ABHD17B: variants seen among roughly 807,000 people sequenced by gnomAD.
ABHD17B encodes the protein abhydrolase domain containing 17B, depalmitoylase.
Under a neutral mutation model 26.2 loss-of-function variants are expected in ABHD17B, and 9 were observed. The observed-to-expected ratio is 0.34, with a 90% confidence interval of 0.21 to 0.60. The LOEUF (loss-of-function observed/expected upper bound fraction) is 0.60. Ranked by LOEUF, ABHD17B falls within the 20% of genes least tolerant of loss-of-function variation. The pLI, the probability that ABHD17B is intolerant of heterozygous loss-of-function variation, is 0.80. For synonymous variants in ABHD17B, 127 were observed against 122.3 expected (o/e 1.04, Z -0.25); for missense variants, 224 against 352.1 (o/e 0.64, Z 2.91).
chr9:71,910,672 G>A lies in ABHD17B; in HGVS notation c.-42C>T, dbSNP rs557644024. On this transcript the variant is annotated 5_prime_UTR_variant, in exon 1 of 4. Transcript: ENST00000333421. Reference sequence around the variant, plus strand: ...GCCCGGGCCGAAGCGCCGGGCAGAAGGGGTCGAGAGAGAACCGCAGCCGAC... The same window carrying A: ...GCCCGGGCCGAAGCGCCGGGCAGAAAGGGTCGAGAGAGAACCGCAGCCGAC... 7.7e-4 allele frequency: 117 copies of A among 152,302 alleles called. No homozygotes were observed. Among genetic ancestry groups the A allele is most frequent in the African/African-American group, 2.6e-3 (110 of 41,552 alleles). The allele number at this position is 152,302 out of a possible 1,614,324, so 9.4% of individuals were successfully genotyped here.
chr9:71,902,978 T>C (rs527371090), intron 1 of ABHD17B, among the ~76,000 whole-genome samples: 2 of 152,340 alleles, frequency 1.3e-5, no homozygotes, highest in Admixed American at 1.3e-4. Context: ...GAATGGAGAC[T>C]TGGCTGCACC....
intron 1 of ABHD17B, among the ~76,000 whole-genome samples, chr9:71,886,354 G>T (rs751452195): frequency 6.6e-6 from 1 of 150,852 alleles, no homozygotes; most frequent in South Asian, 2.1e-4. Context: ...TTGGGAGGCC[G>T]AGTCAGGAGG....
chr9:71,879,124 C>G (rs1220418544), intron 1 of ABHD17B, among the ~76,000 whole-genome samples: 1 of 152,170 alleles, frequency 6.6e-6, no homozygotes, highest in East Asian at 1.9e-4. Flanking sequence ...CCACTACACT[C>G]CAGCCTGGGC....
rs553400257 is a variant in ABHD17B at position 71,897,240 on chromosome 9, A to C, written c.-4+13394T>G. Among the ~76,000 whole-genome samples the C allele has an allele frequency of 3.9e-5, 6 of 152,314 alleles. 1 individual carries two copies. In the South Asian group the frequency reaches 1.2e-3, roughly 32 times the overall value. On this transcript the variant is annotated intron_variant, in intron 1 of 3. Coordinates refer to ENST00000333421, the MANE Select transcript of ABHD17B (RefSeq NM_001025780.3). ...TTCTTGTAACCTTGCCCTACACGAG[A>C]TATAAAGTCATTCTGCAGGCCACGC...
intron 1 of ABHD17B, among the ~76,000 whole-genome samples, chr9:71,888,900 C>T (rs751461710): frequency 1.8e-4 from 27 of 151,778 alleles, no homozygotes; most frequent in East Asian, 1.9e-4. Context: ...AAGACAAAAA[C>T]GTAAACGGTG....
intron 2 of ABHD17B, among the ~76,000 whole-genome samples, chr9:71,874,220 T>C (rs1202189030): frequency 2.6e-5 from 4 of 151,980 alleles, no homozygotes; most frequent in African/African-American, 9.7e-5. Flanking sequence ...GGTCTGACGC[T>C]GTCACTCAGG....
intron 1 of ABHD17B, among the ~76,000 whole-genome samples, chr9:71,894,862 T>C (rs1446366398): frequency 6.6e-6 from 1 of 152,164 alleles, no homozygotes; most frequent in Non-Finnish European, 1.5e-5. Flanking sequence ...GTACAATTAA[T>C]CAAATGAACC....
At chr9:71,874,553 A>T in intron 2 of ABHD17B, 61 bp downstream of exon 2, 2 of 1,378,514 alleles carry the variant, frequency 1.5e-6, no homozygotes, top group Non-Finnish European at 2.0e-6. Flanking sequence ...TTCTATTCTT[A>T]CACAAGATAT....
At chr9:71,896,879 C>G (rs998311415) in intron 1 of ABHD17B, among the ~76,000 whole-genome samples, 1 of 152,174 alleles carries the variant, frequency 6.6e-6, no homozygotes, top group African/African-American at 2.4e-5. Flanking sequence ...GCTGAAGAAG[C>G]TGAATTTGGT....
chr9:71,878,316 A>T (rs185366401), intron 1 of ABHD17B, among the ~76,000 whole-genome samples: 130 of 152,286 alleles, frequency 8.5e-4, no homozygotes, highest in Middle Eastern at 6.8e-3. Context: ...TTTTTGTGGG[A>T]ATTAAGAGAC....
chr9:71,872,910 A>C (rs894309130), intron 2 of ABHD17B, among the ~76,000 whole-genome samples: 4 of 151,856 alleles, frequency 2.6e-5, no homozygotes, highest in Non-Finnish European at 5.9e-5. Flanking sequence ...ATATAATTTC[A>C]GTTGATTTTA....
intron 1 of ABHD17B, among the ~76,000 whole-genome samples, chr9:71,894,578 G>A (rs533828066): frequency 6.6e-6 from 1 of 152,184 alleles, no homozygotes; most frequent in Non-Finnish European, 1.5e-5. Context: ...ATTGCAGTCT[G>A]TACATATTAT....
chr9:71,909,572 T>C (rs1341883235), intron 1 of ABHD17B, among the ~76,000 whole-genome samples: 1 of 152,246 alleles, frequency 6.6e-6, no homozygotes, highest in Non-Finnish European at 1.5e-5. Flanking sequence ...AACATGTATC[T>C]GGCTTTCTAC....
At chr9:71,871,164 T>C (rs1366566301) in intron 2 of ABHD17B, among the ~76,000 whole-genome samples, 1 of 152,356 alleles carries the variant, frequency 6.6e-6, no homozygotes, top group East Asian at 1.9e-4. Context: ...GCAGTCACTC[T>C]GGCAGCTAAG....
intron 1 of ABHD17B, among the ~76,000 whole-genome samples, chr9:71,901,975 C>T (rs1827157027): frequency 6.6e-6 from 1 of 152,150 alleles, no homozygotes; most frequent in Admixed American, 6.5e-5. Flanking sequence ...CCTCCTTGGT[C>T]TCTAGCCTTA....
intron 1 of ABHD17B, among the ~76,000 whole-genome samples, chr9:71,892,458 G>T (rs1008533757): frequency 1.3e-5 from 2 of 151,836 alleles, no homozygotes; most frequent in African/African-American, 4.8e-5. Context: ...GCATGAACCC[G>T]GGAGGTGGAG....
chr9:71,872,170 A>AAC (rs1436621923), intron 2 of ABHD17B, among the ~76,000 whole-genome samples: 1 of 152,206 alleles, frequency 6.6e-6, no homozygotes, highest in African/African-American at 2.4e-5. Context: ...CAGATGAGGA[A>AAC]ACACAGGCTC....
chr9:71,872,321 A>G (rs1826136995), intron 2 of ABHD17B, among the ~76,000 whole-genome samples: 1 of 152,244 alleles, frequency 6.6e-6, no homozygotes, highest in Non-Finnish European at 1.5e-5. Flanking sequence ...AAATCTGCCC[A>G]TTCCTGATTA....
intron 1 of ABHD17B, among the ~76,000 whole-genome samples, chr9:71,905,778 A>G (rs996357891): frequency 6.6e-6 from 1 of 152,166 alleles, no homozygotes; most frequent in African/African-American, 2.4e-5. Context: ...TAATCCCAGC[A>G]CTTTTGGAGG....
Sources: allele counts gnomAD v4.1 joint callset (sites outside exome capture counted in the v4.1 genomes callset), GRCh38; gene constraint gnomAD v4.1.1; transcripts MANE v1.5; gene names NCBI Gene and HGNC (gene_info 2026-07-23, HGNC 2026-07-21).